RGS7: variants seen among roughly 807,000 people sequenced by gnomAD.
RGS7 encodes the protein regulator of G protein signaling 7.
Under a neutral mutation model 81.1 loss-of-function variants are expected in RGS7, and 27 were observed. That is an observed-to-expected ratio of 0.33 (90% CI 0.25 to 0.46). The LOEUF (loss-of-function observed/expected upper bound fraction) is 0.46, where lower values mean the gene tolerates loss of function less well. Among genes scored for constraint, RGS7 ranks in the 20% least tolerant of loss-of-function variants. The probability of loss-of-function intolerance (pLI) is 1.00; values close to 1 mark genes in which losing one functional copy is unlikely to be tolerated. For missense variants in RGS7, 396 were observed against 607.4 expected (o/e 0.65, Z 3.66); for synonymous variants, 208 against 207.7 (o/e 1.00, Z -0.01).
chr1:241,095,226 A>G (rs2064166373), intron 3 of RGS7, among the ~76,000 whole-genome samples: 1 of 152,196 alleles, frequency 6.6e-6, no homozygotes, highest in Non-Finnish European at 1.5e-5. Flanking sequence ...ATATGTCTTA[A>G]ACTTTAGTGC....
At chr1:241,113,629 T>C (rs528736519) in intron 2 of RGS7, among the ~76,000 whole-genome samples, 13 of 152,240 alleles carry the variant, frequency 8.5e-5, no homozygotes, top group Non-Finnish European at 1.8e-4. Flanking sequence ...GTAAAGAACG[T>C]GGCCTTTGTT....
At chr1:241,307,549 A>C (rs1395263833) in intron 2 of RGS7, among the ~76,000 whole-genome samples, 1 of 152,244 alleles carries the variant, frequency 6.6e-6, no homozygotes, top group Non-Finnish European at 1.5e-5. Flanking sequence ...TAAAATACAC[A>C]GGTATCCTTT....
intron 18 of RGS7, among the ~76,000 whole-genome samples, chr1:240,792,062 T>C (rs907237724): frequency 1.3e-5 from 2 of 152,118 alleles, no homozygotes; most frequent in Admixed American, 6.5e-5. Context: ...TTTTGTACCA[T>C]AATATGAGAT....
intron 2 of RGS7, among the ~76,000 whole-genome samples, chr1:241,338,110 T>C (rs543399030): frequency 1.3e-5 from 2 of 152,322 alleles, no homozygotes; most frequent in African/African-American, 4.8e-5. Flanking sequence ...TTTTGCTTTG[T>C]TGTGTAGCTA....
chr1:241,102,238 A>G (rs1317613678), intron 2 of RGS7, among the ~76,000 whole-genome samples: 3 of 114,630 alleles, frequency 2.6e-5, no homozygotes, highest in African/African-American at 2.0e-4. Flanking sequence ...ACAAAGACAC[A>G]TAAAAAAAAC....
In RGS7 at chr1:241,108,297, C is replaced by T. The variant is rs1431190165; in HGVS notation, c.79-9535G>A. ...CAGCCAGGGCGACAGAGCGAGACTCCGTCTCAAAAAAAAAAAAAAAAAAAA... is the reference window on the plus strand; with the variant it reads ...CAGCCAGGGCGACAGAGCGAGACTCTGTCTCAAAAAAAAAAAAAAAAAAAA... On this transcript the variant is annotated intron_variant, in intron 2 of 18. Coordinates refer to ENST00000440928, the MANE Select transcript of RGS7 (RefSeq NM_001364886.1). Among the ~76,000 whole-genome samples the T allele has an allele frequency of 8.1e-5, 10 of 123,066 alleles. No individual in the cohort carries two copies. The East Asian group carries it at 2.3e-3, about 28-fold the overall frequency. 80.7% of individuals were successfully genotyped at this position (123,066 alleles called of 152,430 possible).
chr1:240,802,384 T>C (rs1192220505), intron 16 of RGS7, among the ~76,000 whole-genome samples: 3 of 152,144 alleles, frequency 2.0e-5, no homozygotes, highest in African/African-American at 7.2e-5. Context: ...GCTAGGTGTA[T>C]AAAATTCATC....
chr1:241,224,204 G>A lies in RGS7; in HGVS notation c.79-125442C>T, dbSNP rs137914633. On this transcript the variant is annotated intron_variant, in intron 2 of 18. Coordinates refer to ENST00000440928, the MANE Select transcript of RGS7 (RefSeq NM_001364886.1). Reference sequence around the variant, plus strand: ...GGTGGTTTGCTACACCCATCAACTCGTCACCTACATTAAATAATTCTCCAA... The same window carrying A: ...GGTGGTTTGCTACACCCATCAACTCATCACCTACATTAAATAATTCTCCAA... Among the ~76,000 whole-genome samples the A allele has an allele frequency of 2.0e-3, 305 of 151,842 alleles. 1 individual carries two copies. Among genetic ancestry groups the A allele is most frequent in the African/African-American group, 6.8e-3 (283 of 41,358 alleles).
chr1:240,928,249 G>A (rs1572809485), intron 6 of RGS7, among the ~76,000 whole-genome samples: 1 of 152,212 alleles, frequency 6.6e-6, no homozygotes, highest in East Asian at 1.9e-4. Context: ...CCACGCTTCT[G>A]TCTGTAAGTT....
chr1:241,190,436 G>A (rs1271464736), intron 2 of RGS7, among the ~76,000 whole-genome samples: 4 of 152,044 alleles, frequency 2.6e-5, no homozygotes, highest in African/African-American at 9.7e-5. Flanking sequence ...ACTATGTCGA[G>A]TTTTCCAATC....
At chr1:240,884,077 CAAAAAAAAAAAAAA>C (rs4047365) in intron 6 of RGS7, among the ~76,000 whole-genome samples, 3 of 57,376 alleles carry the variant, frequency 5.2e-5, no homozygotes, top group Non-Finnish European at 8.8e-5. Flanking sequence ...AACTCCATCT[CAAAAAAAAAAAAAA>C]AAAAAAAAAA....
chr1:240,852,265 T>G (rs376307837), intron 9 of RGS7, among the ~76,000 whole-genome samples: 2 of 152,212 alleles, frequency 1.3e-5, no homozygotes, highest in African/African-American at 4.8e-5. Context: ...AGGTTACAAC[T>G]TTTGCTAAAG....
At chr1:240,804,392 G>C (rs1184496290) in intron 15 of RGS7, among the ~76,000 whole-genome samples, 2 of 151,972 alleles carry the variant, frequency 1.3e-5, no homozygotes, top group Admixed American at 1.3e-4. Flanking sequence ...GTGGAGAAGT[G>C]GTCACAGAGC....
chr1:241,167,679 C>T (rs1169318342), intron 2 of RGS7, among the ~76,000 whole-genome samples: 5 of 152,076 alleles, frequency 3.3e-5, no homozygotes, highest in East Asian at 1.9e-4. Flanking sequence ...CCACCACGCC[C>T]GGCTAATTTT....
At chr1:241,300,368 T>C (rs913710251) in intron 2 of RGS7, among the ~76,000 whole-genome samples, 1 of 152,194 alleles carries the variant, frequency 6.6e-6, no homozygotes, top group African/African-American at 2.4e-5. Flanking sequence ...ATGACATATA[T>C]CCACCATTAG....
chr1:240,937,803 G>T (rs2148381234), intron 4 of RGS7, among the ~76,000 whole-genome samples: 1 of 152,272 alleles, frequency 6.6e-6, no homozygotes, highest in Non-Finnish European at 1.5e-5. Context: ...CTGCACTATT[G>T]AATCTACAGA....
chr1:241,227,908 G>A (rs568178646), intron 2 of RGS7, among the ~76,000 whole-genome samples: 7 of 152,188 alleles, frequency 4.6e-5, no homozygotes, highest in South Asian at 2.1e-4. Flanking sequence ...TCATCCCACC[G>A]GCCCTTCTCC....
At chr1:240,967,572 G>GT (rs924399324) in intron 4 of RGS7, among the ~76,000 whole-genome samples, 2 of 131,162 alleles carry the variant, frequency 1.5e-5, no homozygotes, top group Non-Finnish European at 3.5e-5. Context: ...AAGAAGTGGG[G>GT]GGGGGGGGGA....
intron 2 of RGS7, among the ~76,000 whole-genome samples, chr1:241,288,872 C>T (rs985032202): frequency 6.6e-6 from 1 of 152,136 alleles, no homozygotes; most frequent in South Asian, 2.1e-4. Flanking sequence ...CAGAAATGTT[C>T]CCTACCTGCT....
Sources: allele counts gnomAD v4.1 joint callset (sites outside exome capture counted in the v4.1 genomes callset), GRCh38; gene constraint gnomAD v4.1.1; transcripts MANE v1.5; gene names NCBI Gene and HGNC (gene_info 2026-07-23, HGNC 2026-07-21).